F13A1: variants seen among roughly 807,000 people sequenced by gnomAD.
The protein encoded by F13A1 is FSF, A subunit.
F13A1 carries 47 observed loss-of-function variants against 80.1 expected under a neutral mutation model. That is an observed-to-expected ratio of 0.59 (90% confidence interval 0.46 to 0.75). F13A1 has a LOEUF of 0.75. Ranked by LOEUF, F13A1 falls within the 30% of genes least tolerant of loss-of-function variation. The probability of loss-of-function intolerance (pLI) is 0.00; values close to 1 mark genes in which losing one functional copy is unlikely to be tolerated. For missense variants in F13A1, 817 were observed against 930.4 expected (o/e 0.88, Z 1.59); for synonymous variants, 349 against 344.9 (o/e 1.01, Z -0.13).
At chr6:6,298,036 G>A (rs1207130553) in intron 3 of F13A1, among the ~76,000 whole-genome samples, 7 of 151,122 alleles carry the variant, frequency 4.6e-5, no homozygotes, top group African/African-American at 1.5e-4. Context: ...AAGTTGTTCA[G>A]TTTCCATGTA....
At chr6:6,209,323 T>TAAAAAAAAAAAAA in intron 8 of F13A1, among the ~76,000 whole-genome samples, 1 of 131,784 alleles carries the variant, frequency 7.6e-6, no homozygotes, top group African/African-American at 2.7e-5. Context: ...CAATAATAAT[T>TAAAAAAAAAAAAA]AAAAAAAAAA....
At chr6:6,284,706 T>G (rs1179534671) in intron 3 of F13A1, among the ~76,000 whole-genome samples, 1 of 152,186 alleles carries the variant, frequency 6.6e-6, no homozygotes, top group Non-Finnish European at 1.5e-5. Flanking sequence ...AGAAGCTTGT[T>G]TGCATCAGCA....
rs770579248 is a variant in F13A1, at chr6:6,182,154, G to T, written c.1306-13C>A. ...GGTCGCTGTTGACCTGGAAACAGGA[G>T]AGGAGAGCATTAGCCATCATCACAT... On this transcript the variant is annotated splice_polypyrimidine_tract_variant and intron_variant, in intron 10 of 14. Coordinates refer to ENST00000264870, the MANE Select transcript of F13A1 (RefSeq NM_000129.4). 6 of 1,613,760 alleles carry T rather than the reference G, an allele frequency of 3.7e-6. No individual in the cohort carries two copies. In the East Asian group the frequency reaches 1.3e-4, roughly 36 times the overall value.
chr6:6,253,026 G>T (rs1583095672), intron 4 of F13A1, among the ~76,000 whole-genome samples: 1 of 151,668 alleles, frequency 6.6e-6, no homozygotes, highest in African/African-American at 2.4e-5. Flanking sequence ...AGGCATGGTG[G>T]TGTGTGCCTG....
chr6:6,266,501 G>A, intron 4 of F13A1, 57 bp downstream of exon 4: 2 of 1,613,742 alleles, frequency 1.2e-6, no homozygotes. Flanking sequence ...CATGTGCCAT[G>A]GCACCCCGCC....
In F13A1 at chr6:6,197,250, C is replaced by G. The variant is rs1461384823; in HGVS notation, c.1189G>C (p.Asp397His). 1 of 1,614,200 alleles carries G rather than the reference C, an allele frequency of 6.2e-7. No individual in the cohort carries two copies. The highest frequency in any genetic ancestry group is 1.3e-5 in the African/African-American group (1 of 75,056). The change falls in exon 9 of 15, where the codon GAC becomes CAC. Residue 397 changes from aspartate (D) to histidine (H), a missense_variant. By Grantham distance (81) the Asp-to-His change is moderately conservative. Coordinates refer to ENST00000264870, the MANE Select transcript of F13A1 (RefSeq NM_000129.4). ...TCGCTATTTTCCTGGGGGGTGCTGT[C>G]CACAGCTTGCCAGCCTCCAAATCCA... ...PVGFGGWQAVDSTPQENSDGM... is the reference protein window; with the variant it reads ...PVGFGGWQAVHSTPQENSDGM...
intron 14 of F13A1, among the ~76,000 whole-genome samples, chr6:6,151,368 G>T (rs575506544): frequency 3.0e-4 from 45 of 152,272 alleles, no homozygotes; most frequent in African/African-American, 9.4e-4. Context: ...TGAAAAGGGG[G>T]TATCTCTCAG....
At chr6:6,196,286 T>C (rs1761289428) in intron 9 of F13A1, among the ~76,000 whole-genome samples, 1 of 152,226 alleles carries the variant, frequency 6.6e-6, no homozygotes. Flanking sequence ...TTTTGGACAT[T>C]ATGAACATAT....
chr6:6,172,591 A>G (rs866888253), intron 12 of F13A1, among the ~76,000 whole-genome samples: 6 of 151,128 alleles, frequency 4.0e-5, no homozygotes, highest in African/African-American at 1.5e-4. Context: ...GATTACAGGC[A>G]CCTGCCACAA....
At chr6:6,177,250 G>A (rs926143387) in intron 11 of F13A1, among the ~76,000 whole-genome samples, 3 of 152,068 alleles carry the variant, frequency 2.0e-5, no homozygotes, top group African/African-American at 4.8e-5. Flanking sequence ...TATGTTGGAC[G>A]AAGCCTCTCA....
intron 6 of F13A1, among the ~76,000 whole-genome samples, chr6:6,231,290 G>A (rs1362040358): frequency 1.3e-5 from 2 of 152,140 alleles, no homozygotes; most frequent in Non-Finnish European, 2.9e-5. Context: ...GCTCTGGAAA[G>A]TCTCAGCAAT....
At chr6:6,179,374 ATAGTT>A (rs1760939549) in intron 11 of F13A1, among the ~76,000 whole-genome samples, 1 of 152,248 alleles carries the variant, frequency 6.6e-6, no homozygotes, top group Admixed American at 6.5e-5. Flanking sequence ...ATTCATTAAA[ATAGTT>A]AAGTCCTAAA....
chr6:6,251,882 T>C (rs894615367), intron 4 of F13A1, among the ~76,000 whole-genome samples: 5 of 152,174 alleles, frequency 3.3e-5, no homozygotes, highest in Admixed American at 6.5e-5. Context: ...CCAGATACTA[T>C]TGACAAACCT....
intron 3 of F13A1, among the ~76,000 whole-genome samples, chr6:6,278,469 G>A (rs530556066): frequency 1.1e-4 from 17 of 152,292 alleles, no homozygotes; most frequent in Admixed American, 2.0e-4. Context: ...TACTTGGCAT[G>A]CTTGAGGAGG....
intron 12 of F13A1, among the ~76,000 whole-genome samples, chr6:6,169,913 C>G (rs575103623): frequency 8.5e-5 from 13 of 152,316 alleles, no homozygotes; most frequent in African/African-American, 2.4e-4. Flanking sequence ...TTAGAGCTGA[C>G]TCTTTAAAGC....
rs1409544296 is a variant in F13A1 at position 6,320,636 on chromosome 6, G to A, written c.-68C>T. 6.4e-6 allele frequency: 3 copies of A among 470,458 alleles called. No homozygotes were observed. The highest frequency in any genetic ancestry group is 1.3e-5 in the Non-Finnish European group (3 of 226,740). The allele number at this position is 470,458 out of a possible 1,614,324, so 29.1% of individuals were successfully genotyped here. On this transcript the variant is annotated 5_prime_UTR_variant, in exon 1 of 15. Coordinates refer to ENST00000264870, the MANE Select transcript of F13A1 (RefSeq NM_000129.4). ...GCCCTCGCGTGGGCTTGCTCTGTGCGCCTCGGGGACTTCCTCAAACGGACT... is the reference window on the plus strand; with the variant it reads ...GCCCTCGCGTGGGCTTGCTCTGTGCACCTCGGGGACTTCCTCAAACGGACT...
At chr6:6,222,202 C>T (rs766839965) in intron 7 of F13A1, 31 bp from the exon 8 acceptor site, 2 of 1,613,560 alleles carry the variant, frequency 1.2e-6, no homozygotes, top group Admixed American at 3.3e-5. Flanking sequence ...CAGCTAAACA[C>T]ATCACCAGCA....
At chr6:6,272,977 A>G (rs1050884487) in intron 3 of F13A1, among the ~76,000 whole-genome samples, 15 of 152,212 alleles carry the variant, frequency 9.9e-5, no homozygotes, top group Non-Finnish European at 4.4e-5. Flanking sequence ...GCTTAAAACA[A>G]TGACAGCGCA....
At chr6:6,218,197 G>C (rs1361614374) in intron 8 of F13A1, among the ~76,000 whole-genome samples, 1 of 152,182 alleles carries the variant, frequency 6.6e-6, no homozygotes, top group African/African-American at 2.4e-5. Flanking sequence ...ATCCTAGTAA[G>C]TGCCAACGTC....
Sources: allele counts gnomAD v4.1 joint callset (sites outside exome capture counted in the v4.1 genomes callset), GRCh38; gene constraint gnomAD v4.1.1; transcripts MANE v1.5; gene names NCBI Gene and HGNC (gene_info 2026-07-23, HGNC 2026-07-21).